Variants in DAB1 observed in about 807,000 individuals in gnomAD.
DAB1 encodes the protein DAB adaptor protein 1.
DAB1 carries 15 observed loss-of-function variants against 64.6 expected under a neutral mutation model. The observed-to-expected ratio is 0.23, with a 90% CI of 0.16 to 0.36. The LOEUF (loss-of-function observed/expected upper bound fraction) is 0.36, where lower values mean the gene tolerates loss of function less well. Among genes scored for constraint, DAB1 ranks in the 10% least tolerant of loss-of-function variants. DAB1 has a pLI of 1.00. For synonymous variants in DAB1, 235 were observed against 251.9 expected, an observed-to-expected ratio of 0.93 and a Z score of 0.64; for missense variants, 596 against 706.7, an observed-to-expected ratio of 0.84 and a Z score of 1.78.
At chr1:58,302,739 ATTTATATATGTAAAGTGC>A (rs1662203068) in intron 4 of DAB1, among the ~76,000 whole-genome samples, 1 of 152,146 alleles carries the variant, frequency 6.6e-6, no homozygotes, top group African/African-American at 2.4e-5. Flanking sequence ...CATTTATTAC[ATTTATATATGTAAAGTGC>A]TTAGAATGAA....
intron 6 of DAB1, among the ~76,000 whole-genome samples, chr1:57,712,063 T>A (rs1647034847): frequency 6.6e-6 from 1 of 152,212 alleles, no homozygotes; most frequent in Non-Finnish European, 1.5e-5. Flanking sequence ...CCCCTGCAGA[T>A]AAATTTTTTA....
chr1:58,373,175 T>A (rs1264810159), intron 3 of DAB1, among the ~76,000 whole-genome samples: 1 of 151,988 alleles, frequency 6.6e-6, no homozygotes, highest in Non-Finnish European at 1.5e-5. Flanking sequence ...TTTTCTTTTT[T>A]TTTTTTTTAA....
At chr1:57,500,707 C>A (rs1290038194) in intron 7 of DAB1, among the ~76,000 whole-genome samples, 2 of 152,134 alleles carry the variant, frequency 1.3e-5, no homozygotes, top group Non-Finnish European at 2.9e-5. Flanking sequence ...ATAGAAAAAT[C>A]CAGCTCTTTG....
At chr1:58,403,672 T>G (rs1230071728) in intron 3 of DAB1, among the ~76,000 whole-genome samples, 1 of 152,222 alleles carries the variant, frequency 6.6e-6, no homozygotes, top group South Asian at 2.1e-4. Flanking sequence ...TATCCCACTT[T>G]CACGGGGTTG....
intron 3 of DAB1, among the ~76,000 whole-genome samples, chr1:58,499,990 G>A (rs550895887): frequency 6.6e-6 from 1 of 152,144 alleles, no homozygotes; most frequent in South Asian, 2.1e-4. Context: ...AAAAATTAAT[G>A]CCAGAGAGTC....
chr1:57,519,482 C>T lies in DAB1; in HGVS notation n.625+130110G>A, dbSNP rs932106910. 2.6e-5 allele frequency among the ~76,000 whole-genome samples: 4 copies of T among 152,176 alleles called. 1 individual carries two copies. In the South Asian group the frequency reaches 8.3e-4, roughly 32 times the overall value. ...TCCTTCCAGGTGAGTATCTTGACCC[C>T]TATTTGCGGGTGACAAAACTCAGAG... On this transcript the variant is annotated intron_variant and non_coding_transcript_variant, in intron 7 of 20. Coordinates refer to the DAB1 transcript ENST00000485760.
At chr1:57,789,238 C>G (rs938201758) in intron 6 of DAB1, among the ~76,000 whole-genome samples, 1 of 152,164 alleles carries the variant, frequency 6.6e-6, no homozygotes, top group Non-Finnish European at 1.5e-5. Flanking sequence ...GCCAGGTATT[C>G]TCTCTGAGAT....
chr1:57,992,510 A>C (rs1646360086), intron 5 of DAB1, among the ~76,000 whole-genome samples: 1 of 152,182 alleles, frequency 6.6e-6, no homozygotes, highest in Non-Finnish European at 1.5e-5. Flanking sequence ...TGCTCCCTGC[A>C]CTTTCTCAGT....
chr1:57,083,119 C>T lies in DAB1; in HGVS notation c.307-10705G>A, dbSNP rs78109807. Among the ~76,000 whole-genome samples, 531 of 152,244 alleles carry T rather than the reference C, an allele frequency of 3.5e-3. 3 individuals are homozygous for T. The highest frequency in any genetic ancestry group is 0.012 in the African/African-American group (502 of 41,538). Reference sequence around the variant, plus strand: ...GCTAGGCATTGTGCTACGTACTCTACGTATATAATCCTCACTTCCACTCAC... The same window carrying T: ...GCTAGGCATTGTGCTACGTACTCTATGTATATAATCCTCACTTCCACTCAC... On this transcript the variant is annotated intron_variant, in intron 4 of 14. Coordinates refer to ENST00000371236, the MANE Select transcript of DAB1 (RefSeq NM_001365792.1).
chr1:57,079,265 A>G (rs769572774), intron 4 of DAB1, among the ~76,000 whole-genome samples: 1 of 152,068 alleles, frequency 6.6e-6, no homozygotes, highest in East Asian at 1.9e-4. Flanking sequence ...TTCGAATTTA[A>G]TGCCTGCACT....
At chr1:58,220,906 A>G (rs1000058172) in intron 4 of DAB1, among the ~76,000 whole-genome samples, 15 of 151,816 alleles carry the variant, frequency 9.9e-5, no homozygotes, top group Non-Finnish European at 1.6e-4. Flanking sequence ...TATATTATCA[A>G]TGTGAATACA....
chr1:57,714,567 C>G (rs1647063174), intron 6 of DAB1, among the ~76,000 whole-genome samples: 1 of 152,108 alleles, frequency 6.6e-6, no homozygotes, highest in Non-Finnish European at 1.5e-5. Flanking sequence ...GAAGCATGAA[C>G]AAAGTTATTG....
intron 5 of DAB1, among the ~76,000 whole-genome samples, chr1:57,964,265 T>G (rs1035853695): frequency 6.6e-6 from 1 of 152,248 alleles, no homozygotes; most frequent in African/African-American, 2.4e-5. Flanking sequence ...ATTCATTAAT[T>G]TATTCACTCA....
intron 4 of DAB1, among the ~76,000 whole-genome samples, chr1:57,106,264 C>CCCG (rs1553142631): frequency 6.6e-6 from 1 of 151,468 alleles, no homozygotes; most frequent in African/African-American, 2.4e-5. Flanking sequence ...AACACCCCCC[C>CCCG]CCATCAGTAT....
intron 1 of DAB1, chr1:58,530,711 C>A (rs1261329807): frequency 1.1e-6 from 1 of 872,572 alleles, no homozygotes; most frequent in Admixed American, 1.7e-5. Context: ...AACAAATGAA[C>A]CATGCCAGCC....
chr1:58,167,916 C>T (rs1288445696), intron 4 of DAB1, among the ~76,000 whole-genome samples: 1 of 152,208 alleles, frequency 6.6e-6, no homozygotes, highest in Non-Finnish European at 1.5e-5. Flanking sequence ...AGAACTGTAA[C>T]ACTCACTGTG....
chr1:58,074,885 T>G lies in DAB1; in HGVS notation n.387+75626A>C, dbSNP rs114677716. 9.1e-3 allele frequency among the ~76,000 whole-genome samples: 1,392 copies of G among 152,186 alleles called. 32 individuals carry two copies. Among genetic ancestry groups the G allele is most frequent in the African/African-American group, 0.032 (1,343 of 41,510 alleles). On this transcript the variant is annotated intron_variant and non_coding_transcript_variant, in intron 5 of 20. Coordinates refer to the DAB1 transcript ENST00000485760. ...CATCATGTAATATGCTACGTGCCTG[T>G]CATCTATCAGCTCACTCTGTCCCCC...
intron 3 of DAB1, among the ~76,000 whole-genome samples, chr1:58,459,958 C>T (rs1384491187): frequency 6.6e-6 from 1 of 152,112 alleles, no homozygotes; most frequent in Non-Finnish European, 1.5e-5. Flanking sequence ...AGCTGGGTGG[C>T]AGAGTGTGAC....
chr1:58,138,896 G>A (rs957232386), intron 5 of DAB1, among the ~76,000 whole-genome samples: 3 of 152,130 alleles, frequency 2.0e-5, no homozygotes, highest in African/African-American at 7.2e-5. Flanking sequence ...TGATGAGTGG[G>A]TGAATAGGTA....
Sources: gnomAD v4.1 joint callset for allele counts (sites outside exome capture counted in the v4.1 genomes callset) on GRCh38, gnomAD v4.1.1 for gene constraint, MANE v1.5 for transcripts, NCBI Gene and HGNC (gene_info 2026-07-23, HGNC 2026-07-21) for gene names.